Variants in PTCD3 observed in about 807,000 individuals in gnomAD.
PTCD3 encodes pentatricopeptide repeat domain 3, also known as small ribosomal subunit protein mS39.
Under a neutral mutation model 101.9 loss-of-function variants are expected in PTCD3, and 89 were observed. The observed-to-expected ratio is 0.87, with a 90% CI of 0.74 to 1.04. The LOEUF is 1.04. Ranked by LOEUF, PTCD3 falls within the 50% of genes least tolerant of loss-of-function variation. The pLI is 0.00. For synonymous variants in PTCD3, 296 were observed against 278.5 expected, an observed-to-expected ratio of 1.06 and a Z score of -0.63; for missense variants, 870 against 828.2, an observed-to-expected ratio of 1.05 and a Z score of -0.62.
At chr2:86,107,087 AC>A (rs1673970086) in intron 1 of PTCD3, 2 of 470,510 alleles carry the variant, frequency 4.3e-6, no homozygotes, top group African/African-American at 4.0e-5. Context: ...TATGTAATTT[AC>A]AATATGTTTT....
At chr2:86,124,765 T>C (rs1170964466) in intron 9 of PTCD3, among the ~76,000 whole-genome samples, 1 of 152,244 alleles carries the variant, frequency 6.6e-6, no homozygotes, top group East Asian at 1.9e-4. Context: ...TCATTTTCAA[T>C]TGTAATTCTG....
intron 14 of PTCD3, 134 bp downstream of exon 14, chr2:86,128,125 G>A: frequency 2.6e-6 from 2 of 777,880 alleles, no homozygotes; most frequent in South Asian, 1.7e-5. Context: ...AACCTGTACA[G>A]CCTGAGCAGA....
chr2:86,114,545 C>A (rs1274979006), intron 4 of PTCD3, among the ~76,000 whole-genome samples: 2 of 152,126 alleles, frequency 1.3e-5, no homozygotes, highest in African/African-American at 4.8e-5. Flanking sequence ...GAAAAGAGAG[C>A]TATGTGGAGA....
At chr2:86,128,795 G>A (rs1357173592) in intron 14 of PTCD3, among the ~76,000 whole-genome samples, 1 of 152,184 alleles carries the variant, frequency 6.6e-6, no homozygotes, top group African/African-American at 2.4e-5. Context: ...TACCAGCTAT[G>A]TCAAAGCGAC....
chr2:86,134,421 GTCT>G lies in PTCD3; in HGVS notation c.1629+49_1629+51del, dbSNP rs780070886. On this transcript the variant is annotated intron_variant, in intron 20 of 23. Coordinates refer to ENST00000254630, the MANE Select transcript of PTCD3 (RefSeq NM_017952.6). ...AGCCAGTATATCCTCCCATACTGAG[GTCT>G]TCTTAAGGCTAGCTTCCCTGGTTTT... is the stretch of plus-strand genomic sequence containing the variant. The G allele has an allele frequency of 2.7e-6, 4 of 1,486,400 alleles. No individual in the cohort carries two copies. In the South Asian group the frequency reaches 4.6e-5, roughly 17 times the overall value. 92.1% of individuals were successfully genotyped at this position (1,486,400 alleles called of 1,614,324 possible). A position where few individuals can be genotyped will look rare whatever the true frequency, so the allele number is the denominator to read the frequency against.
In PTCD3 at chr2:86,139,330, G is replaced by A. The variant is rs1024061547; in HGVS notation, c.*1771G>A. 6.6e-6 allele frequency: 1 copy of A among 151,174 alleles called. No individual in the cohort carries two copies. Among genetic ancestry groups the A allele is most frequent in the Non-Finnish European group, 1.5e-5 (1 of 67,824 alleles). The allele number at this position is 151,174 out of a possible 1,614,324, so 9.4% of individuals were successfully genotyped here. On this transcript the variant is annotated 3_prime_UTR_variant, in exon 24 of 24. Coordinates refer to ENST00000254630, the MANE Select transcript of PTCD3 (RefSeq NM_017952.6). ...AGCCTGGGCAACATAGTGAGACACC[G>A]GATCTACAAAAAAATAAAAAGCCAG... is the stretch of plus-strand genomic sequence containing the variant.
Position 86,136,545 on chromosome 2 carries a change from G to A in PTCD3, c.1803G>A (p.Lys601=), listed in dbSNP as rs1470588749. Residue 601 remains lysine, a synonymous_variant, in exon 22 of 24, where the codon AAG becomes AAA. Coordinates refer to ENST00000254630, the MANE Select transcript of PTCD3 (RefSeq NM_017952.6). ...GGAAAATGTTGGGGCTTTTCAGGAA[G>A]CATAATAAGATTCCTAGGTAAGTTG... The part of the protein sequence containing the change: ...EAWKMLGLFR[K]HNKIPRSELL... The A allele has an allele frequency of 6.2e-7, 1 of 1,612,590 alleles. No individual in the cohort carries two copies. The highest frequency in any genetic ancestry group is 1.7e-5 in the Admixed American group (1 of 60,014).
At chr2:86,123,261 TAAAAA>T (rs3077184) in intron 8 of PTCD3, among the ~76,000 whole-genome samples, 3 of 142,060 alleles carry the variant, frequency 2.1e-5, no homozygotes, top group African/African-American at 7.9e-5. Context: ...GACTCTGTCT[TAAAAA>T]AAAAAAAAAA....
At chr2:86,108,674 C>A in intron 3 of PTCD3, 138 bp downstream of exon 3, 3 of 838,790 alleles carry the variant, frequency 3.6e-6, no homozygotes, top group Admixed American at 2.8e-5. Context: ...CGGGGAGAAG[C>A]TAGGAGTTTA....
chr2:86,137,815 T>A lies in PTCD3; in HGVS notation c.*256T>A. On this transcript the variant is annotated 3_prime_UTR_variant, in exon 24 of 24. Coordinates refer to ENST00000254630, the MANE Select transcript of PTCD3 (RefSeq NM_017952.6). ...AACATTGCGGTTTTCAGACACATGGTGAGGTCCATGGCTCTTGTCATCAGG... is the reference window on the plus strand; with the variant it reads ...AACATTGCGGTTTTCAGACACATGGAGAGGTCCATGGCTCTTGTCATCAGG... 5.0e-6 allele frequency: 2 copies of A among 398,440 alleles called. No individual in the cohort carries two copies. Among genetic ancestry groups the A allele is most frequent in the South Asian group, 2.2e-5 (1 of 45,942 alleles). The allele number at this position is 398,440 out of a possible 1,614,324, so 24.7% of individuals were successfully genotyped here.
chr2:86,138,914 C>G lies in PTCD3; in HGVS notation c.*1355C>G, dbSNP rs753966391. On this transcript the variant is annotated 3_prime_UTR_variant, in exon 24 of 24. Coordinates refer to ENST00000254630, the MANE Select transcript of PTCD3 (RefSeq NM_017952.6). Reference sequence around the variant, plus strand: ...TACTATTCAATACAGTCCTTAGATTCACGGTATGCCTCTTCCTATCCAGGC... The same window carrying G: ...TACTATTCAATACAGTCCTTAGATTGACGGTATGCCTCTTCCTATCCAGGC... The G allele has an allele frequency of 6.6e-6, 1 of 152,224 alleles. No homozygotes were observed. Among genetic ancestry groups the G allele is most frequent in the Non-Finnish European group, 1.5e-5 (1 of 68,048 alleles). The allele number at this position is 152,224 out of a possible 1,614,324, so 9.4% of individuals were successfully genotyped here. A position where few individuals can be genotyped will look rare whatever the true frequency, so the allele number is the denominator to read the frequency against.
At chr2:86,106,958 G>A (rs1013857814) in intron 1 of PTCD3, among the ~76,000 whole-genome samples, 1 of 152,186 alleles carries the variant, frequency 6.6e-6, no homozygotes, top group Non-Finnish European at 1.5e-5. Context: ...CTTGCTAAAA[G>A]CCTAATTTTA....
At position 86,125,068 on chromosome 2, in the gene PTCD3, C is replaced by T. The variant is rs772775803; in HGVS notation, c.790C>T (p.Arg264Ter). 14 of 1,613,710 alleles carry T rather than the reference C, an allele frequency of 8.7e-6. No individual in the cohort carries two copies. Among genetic ancestry groups the T allele is most frequent in the East Asian group, 4.5e-5 (2 of 44,878 alleles). The change falls in exon 10 of 24, where the codon CGA (arginine) becomes TGA (stop). Residue 264 changes from arginine to a stop codon, truncating the protein, a stop_gained. Transcript: ENST00000254630. LOFTEE classifies it high-confidence loss of function. Reference sequence around the variant, plus strand: ...TGAACATTCCTATTGCACAATGATCCGAGGAATGGTGAAGGTACATTTGTT... The same window carrying T: ...TGAACATTCCTATTGCACAATGATCTGAGGAATGGTGAAGGTACATTTGTT... Reference protein sequence around the residue: ...KNEHSYCTMIRGMVKHRAYEQ... With the variant: ...KNEHSYCTMI
In PTCD3 at chr2:86,122,104, A is replaced by G. The variant is rs116473751; in HGVS notation, c.654+510A>G. ...TCAGTCAAATAGAGATGCTCATGTG[A>G]CATTTTTCATGAGGAGGTATTTATA... On this transcript the variant is annotated intron_variant, in intron 8 of 23. Transcript: ENST00000254630. Among the ~76,000 whole-genome samples the G allele has an allele frequency of 6.1e-3, 935 of 152,326 alleles. 8 individuals carry two copies. The highest frequency in any genetic ancestry group is 0.021 in the African/African-American group (860 of 41,566).
intron 4 of PTCD3, among the ~76,000 whole-genome samples, chr2:86,113,859 T>G (rs1311748819): frequency 3.3e-5 from 5 of 151,710 alleles, no homozygotes; most frequent in Non-Finnish European, 7.4e-5. Context: ...AAAGATAGTG[T>G]TGGGTCTAAT....
At chr2:86,135,129 A>C (rs1249858922) in intron 21 of PTCD3, 142 bp downstream of exon 21, 1 of 913,618 alleles carries the variant, frequency 1.1e-6, no homozygotes, top group Non-Finnish European at 1.6e-6. Context: ...CTAAAAAGCA[A>C]ACTTTTGGAA....
chr2:86,134,230 T>G, intron 19 of PTCD3, 62 bp from the exon 20 acceptor site: 2 of 1,270,188 alleles, frequency 1.6e-6, no homozygotes, highest in South Asian at 2.6e-5. Context: ...AGGTTGACAG[T>G]GAACAAAAGT....
At chr2:86,121,396 A>T in intron 7 of PTCD3, 83 bp from the exon 8 acceptor site, 1 of 841,406 alleles carries the variant, frequency 1.2e-6, no homozygotes, top group Non-Finnish European at 1.9e-6. Context: ...CCGCTAATAT[A>T]AAAAAATGAC....
intron 6 of PTCD3, among the ~76,000 whole-genome samples, chr2:86,118,413 ATC>A (rs1182172945): frequency 6.6e-6 from 1 of 152,028 alleles, no homozygotes; most frequent in African/African-American, 2.4e-5. Context: ...ATATCCCTAC[ATC>A]TCTCTGCTTC....
Sources: gnomAD v4.1 joint callset for allele counts (sites outside exome capture counted in the v4.1 genomes callset) on GRCh38, gnomAD v4.1.1 for gene constraint, MANE v1.5 for transcripts, NCBI Gene and HGNC (gene_info 2026-07-23, HGNC 2026-07-21) for gene names.